The following HAUS6 variants were observed in gnomAD, a reference collection of about 807,000 sequenced individuals.
HAUS6 encodes HAUS augmin like complex subunit 6.
Under a neutral mutation model 106.8 loss-of-function variants are expected in HAUS6, and 80 were observed. The ratio of observed to expected loss-of-function variants is 0.75; its 90% CI spans 0.63 to 0.90. HAUS6 has a LOEUF of 0.90. Among genes scored for constraint, HAUS6 ranks in the 40% least tolerant of loss-of-function variants. HAUS6 has a pLI of 0.00. For missense variants in HAUS6, 1,155 were observed against 1,118.1 expected (o/e 1.03, Z -0.47); for synonymous variants, 356 against 379.1 (o/e 0.94, Z 0.71).
intron 1 of HAUS6, among the ~76,000 whole-genome samples, chr9:19,100,144 A>G (rs1033346142): frequency 6.6e-6 from 1 of 152,242 alleles, no homozygotes; most frequent in Non-Finnish European, 1.5e-5. Context: ...CAGTGAGTCC[A>G]GATCGCACCA....
rs770680634 is a variant in HAUS6, at chr9:19,063,099, G to C, written c.1538C>G (p.Ala513Gly). Residue 513 changes from alanine (A) to glycine (G), a missense_variant, in exon 14 of 17, where the codon GCA (alanine) becomes GGA (glycine). Coordinates refer to ENST00000380502, the MANE Select transcript of HAUS6 (RefSeq NM_017645.5). ...EVENSPLSDV[A>G]KNTESSAFGG... Reference sequence around the variant, plus strand: ...AAATGCACTACTCTCTGTATTCTTTGCAACATCTGATAATGGAGAATTTTC... The same window carrying C: ...AAATGCACTACTCTCTGTATTCTTTCCAACATCTGATAATGGAGAATTTTC... 1.0e-5 allele frequency: 16 copies of C among 1,603,970 alleles called. No homozygotes were observed. Among genetic ancestry groups the C allele is most frequent in the African/African-American group, 2.7e-5 (2 of 74,716 alleles).
chr9:19,078,390 A>C, intron 9 of HAUS6, 88 bp from the exon 10 acceptor site: 1 of 744,486 alleles, frequency 1.3e-6, no homozygotes, highest in Non-Finnish European at 2.3e-6. Flanking sequence ...GTTGTAGAGA[A>C]GTGGAAGGAA....
At chr9:19,079,733 T>C (rs376930992) in intron 9 of HAUS6, among the ~76,000 whole-genome samples, 4 of 151,788 alleles carry the variant, frequency 2.6e-5, no homozygotes, top group African/African-American at 9.7e-5. Context: ...TGAAACCCCA[T>C]CCCTACTAAA....
chr9:19,101,288 A>G (rs553143723), intron 1 of HAUS6, among the ~76,000 whole-genome samples: 1 of 152,320 alleles, frequency 6.6e-6, no homozygotes, highest in South Asian at 2.1e-4. Flanking sequence ...GGAGTGGCCA[A>G]GGCGGGGGGA....
intron 2 of HAUS6, among the ~76,000 whole-genome samples, chr9:19,096,218 C>G (rs1817858066): frequency 6.6e-6 from 1 of 152,112 alleles, no homozygotes; most frequent in Non-Finnish European, 1.5e-5. Flanking sequence ...GTATAAGACT[C>G]AAACCTGAAT....
chr9:19,059,256 T>G (rs1312396646), intron 15 of HAUS6, among the ~76,000 whole-genome samples: 1 of 152,202 alleles, frequency 6.6e-6, no homozygotes. Flanking sequence ...ACAGCACATA[T>G]GAATTACATG....
rs76813222 is a variant in HAUS6, at chr9:19,075,664, C to T, written c.1294+938G>A. Among the ~76,000 whole-genome samples the T allele has an allele frequency of 4.6e-5, 7 of 151,670 alleles. No homozygotes were observed. The East Asian group carries it at 1.4e-3, about 30-fold the overall frequency. Reference sequence around the variant, plus strand: ...GACAAATACATAGAGATAAGAAGTACATTAATGGGCCAGGCACAGTGGCTC... The same window carrying T: ...GACAAATACATAGAGATAAGAAGTATATTAATGGGCCAGGCACAGTGGCTC... On this transcript the variant is annotated intron_variant, in intron 11 of 16. Coordinates refer to ENST00000380502, the MANE Select transcript of HAUS6 (RefSeq NM_017645.5).
At chr9:19,083,422 T>A (rs977475846) in intron 7 of HAUS6, among the ~76,000 whole-genome samples, 2 of 151,896 alleles carry the variant, frequency 1.3e-5, no homozygotes, top group Admixed American at 6.6e-5. Flanking sequence ...ATCTAAGAAA[T>A]CTTATACAAG....
At chr9:19,080,199 A>AAAAC (rs57450866) in intron 9 of HAUS6, among the ~76,000 whole-genome samples, 1 of 150,536 alleles carries the variant, frequency 6.6e-6, no homozygotes, top group African/African-American at 2.4e-5. Flanking sequence ...AAAAAAAAAA[A>AAAAC]CTTTCCTAAG....
intron 13 of HAUS6, 100 bp from the exon 14 acceptor site, chr9:19,063,293 GGTT>G (rs1205917113): frequency 5.1e-6 from 4 of 789,648 alleles, no homozygotes; most frequent in African/African-American, 3.5e-5. Context: ...ACCTATAAAA[GGTT>G]GTTAATACTA....
intron 9 of HAUS6, among the ~76,000 whole-genome samples, chr9:19,079,697 G>A (rs1005425452): frequency 2.6e-5 from 4 of 152,078 alleles, no homozygotes; most frequent in Non-Finnish European, 4.4e-5. Flanking sequence ...GAGGTCAGGA[G>A]TTCAAGACCA....
intron 5 of HAUS6, 103 bp from the exon 6 acceptor site, chr9:19,087,259 G>C: frequency 1.4e-6 from 1 of 719,508 alleles, no homozygotes; most frequent in Non-Finnish European, 2.5e-6. Flanking sequence ...AAGGCCTCTG[G>C]GTACAGCCAC....
rs147517347 is a variant in HAUS6 at position 19,078,509 on chromosome 9, C to T, written c.1065-207G>A. 1.9e-3 allele frequency among the ~76,000 whole-genome samples: 292 copies of T among 152,152 alleles called. 2 individuals are homozygous for T. Among genetic ancestry groups the T allele is most frequent in the African/African-American group, 6.6e-3 (273 of 41,516 alleles). ...CTCTTTTTATGACCATAAAGAAGGC[C>T]GGGGGCAGTGTCTCATGCCTGTAAT... On this transcript the variant is annotated intron_variant, in intron 9 of 16. Transcript: ENST00000380502.
intron 4 of HAUS6, among the ~76,000 whole-genome samples, chr9:19,092,916 C>CAAAAAAAAAAAAAAAAAAAAAAAAAA (rs71494998): frequency 2.6e-5 from 2 of 76,236 alleles, no homozygotes; most frequent in African/African-American, 8.4e-5. Flanking sequence ...AACTGTGTCT[C>CAAAAAAAAAAAAAAAAAAAAAAAAAA]AAAAAAAAAA....
chr9:19,079,533 T>G (rs961152901), intron 9 of HAUS6, among the ~76,000 whole-genome samples: 3 of 151,940 alleles, frequency 2.0e-5, no homozygotes, highest in African/African-American at 7.2e-5. Context: ...GCCCAGCTAC[T>G]CCATTTATTT....
At chr9:19,070,177 A>C in intron 12 of HAUS6, 42 bp downstream of exon 12, 1 of 1,065,742 alleles carries the variant, frequency 9.4e-7, no homozygotes, top group Non-Finnish European at 1.4e-6. Context: ...ATAAAATAAG[A>C]GTTTTTTAAT....
At chr9:19,098,497 A>G (rs1052278232) in intron 1 of HAUS6, among the ~76,000 whole-genome samples, 41 of 152,052 alleles carry the variant, frequency 2.7e-4, no homozygotes, top group African/African-American at 9.2e-4. Flanking sequence ...TCACCACTGT[A>G]TAGCCAGGTC....
chr9:19,072,672 C>A (rs1836904881), intron 11 of HAUS6, among the ~76,000 whole-genome samples: 1 of 151,984 alleles, frequency 6.6e-6, no homozygotes, highest in African/African-American at 2.4e-5. Flanking sequence ...AAAATGAGTG[C>A]AAATGAAGAC....
chr9:19,072,586 C>T (rs72696462), intron 11 of HAUS6, among the ~76,000 whole-genome samples: 5,925 of 150,910 alleles, frequency 0.039, 130 homozygotes, highest in Non-Finnish European at 0.051. Flanking sequence ...CAGAAAACAA[C>T]GAGATTATAT....
Sources: gnomAD v4.1 joint callset for allele counts (sites outside exome capture counted in the v4.1 genomes callset) on GRCh38, gnomAD v4.1.1 for gene constraint, MANE v1.5 for transcripts, NCBI Gene and HGNC (gene_info 2026-07-23, HGNC 2026-07-21) for gene names.